The following RABGAP1 variants were observed in gnomAD, a reference collection of about 807,000 sequenced individuals.
RABGAP1 encodes RAB GTPase activating protein 1.
A neutral mutation model predicts 137.6 loss-of-function variants in RABGAP1; 23 were observed. The ratio of observed to expected loss-of-function variants is 0.17; its 90% CI spans 0.12 to 0.24. RABGAP1 has a LOEUF of 0.24. RABGAP1 is among the 10% of genes least tolerant of loss of function. The probability of loss-of-function intolerance (pLI) is 1.00; values close to 1 mark genes in which losing one functional copy is unlikely to be tolerated. For synonymous variants in RABGAP1, 451 were observed against 450.7 expected (o/e 1.00, Z -0.01); for missense variants, 906 against 1,275.8 (o/e 0.71, Z 4.42).
chr9:122,936,011 T>C (rs1176501778), upstream of RABGAP1, among the ~76,000 whole-genome samples: 2 of 152,182 alleles, frequency 1.3e-5, no homozygotes, highest in East Asian at 3.9e-4. Flanking sequence ...GATAATCTTA[T>C]TGCAATCCTT....
At chr9:123,088,499 G>A (rs1446150297) in intron 19 of RABGAP1, among the ~76,000 whole-genome samples, 1 of 152,084 alleles carries the variant, frequency 6.6e-6, no homozygotes, top group Non-Finnish European at 1.5e-5. Flanking sequence ...CACCCAGCCT[G>A]GGCAACATAG....
At chr9:123,035,234 A>T in intron 13 of RABGAP1, 1 of 1,614,150 alleles carries the variant, frequency 6.2e-7, no homozygotes, top group Non-Finnish European at 8.5e-7. Context: ...CAGCACACAA[A>T]GGATATCAGC....
At chr9:122,997,393 AT>A in intron 9 of RABGAP1, 32 bp downstream of exon 9, 1 of 1,502,970 alleles carries the variant, frequency 6.7e-7, no homozygotes, top group Non-Finnish European at 9.1e-7. Context: ...ATGAACAGAA[AT>A]TTTAGTCTCA....
rs552457119 is a variant in RABGAP1 at position 123,051,216 on chromosome 9, G to GTTTTTTTTTTTTTTTTT, written c.1795-14100_1795-14084dup. Among the ~76,000 whole-genome samples the GTTTTTTTTTTTTTTTTT allele has an allele frequency of 1.8e-4, 6 of 34,278 alleles. 3 individuals carry two copies. The highest frequency in any genetic ancestry group is 3.4e-4 in the Non-Finnish European group (6 of 17,836). 22.5% of individuals were successfully genotyped at this position (34,278 alleles called of 152,430 possible). On this transcript the variant is annotated intron_variant, in intron 13 of 25. Coordinates refer to ENST00000373647, the MANE Select transcript of RABGAP1 (RefSeq NM_012197.4). ...ACATGTTGTGATTTTATTCACCTTG[G>GTTTTTTTTTTTTTTTTT]TTTTTTTTTTTTTTTTTTTTTTTTT...
chr9:123,060,327 C>CT (rs2033919552), intron 13 of RABGAP1, among the ~76,000 whole-genome samples: 1 of 152,172 alleles, frequency 6.6e-6, no homozygotes, highest in Non-Finnish European at 1.5e-5. Context: ...ATTTCGGTTT[C>CT]TGTCACCATG....
intron 19 of RABGAP1, among the ~76,000 whole-genome samples, chr9:123,082,908 A>T (rs969550039): frequency 2.6e-5 from 4 of 152,208 alleles, no homozygotes; most frequent in African/African-American, 9.7e-5. Flanking sequence ...TTTGAACTTC[A>T]TTCTCTGTTC....
At chr9:123,029,724 T>C in intron 13 of RABGAP1, 1 of 644,010 alleles carries the variant, frequency 1.6e-6, no homozygotes, top group Non-Finnish European at 3.0e-6. Flanking sequence ...TTCCAGTGTC[T>C]GTCTTCTTCT....
intron 14 of RABGAP1, among the ~76,000 whole-genome samples, chr9:123,069,652 A>G (rs1245819528): frequency 1.3e-5 from 2 of 151,748 alleles, no homozygotes; most frequent in Admixed American, 1.3e-4. Flanking sequence ...AGTCCAAGGT[A>G]GGAGGATAGT....
At chr9:123,019,788 C>G (rs1412265905) in intron 12 of RABGAP1, among the ~76,000 whole-genome samples, 1 of 152,170 alleles carries the variant, frequency 6.6e-6, no homozygotes, top group African/African-American at 2.4e-5. Flanking sequence ...CCTCCTGGTT[C>G]AAGCAGTTCT....
At chr9:122,946,789 T>A (rs1024662561) in intron 1 of RABGAP1, among the ~76,000 whole-genome samples, 46 of 152,194 alleles carry the variant, frequency 3.0e-4, no homozygotes, top group African/African-American at 9.9e-4. Flanking sequence ...TTGGCAAGAT[T>A]TTTTTCAGGT....
At chr9:123,086,509 C>G (rs1017418725) in intron 19 of RABGAP1, among the ~76,000 whole-genome samples, 3 of 152,176 alleles carry the variant, frequency 2.0e-5, no homozygotes, top group African/African-American at 7.2e-5. Flanking sequence ...GCTGCTGGCA[C>G]CTTCTGGTTC....
chr9:123,038,817 A>G (rs1289951126), intron 13 of RABGAP1, among the ~76,000 whole-genome samples: 2 of 151,896 alleles, frequency 1.3e-5, no homozygotes, highest in Non-Finnish European at 2.9e-5. Context: ...ATGGCTGTAA[A>G]CGAGTCATTT....
intron 13 of RABGAP1, chr9:123,029,797 G>C (rs2032198444): frequency 2.0e-6 from 1 of 488,172 alleles, no homozygotes; most frequent in Non-Finnish European, 3.9e-6. Context: ...GCCTTGCTAA[G>C]ATGTCAGACA....
At chr9:123,079,487 C>A (rs1264236501) in intron 19 of RABGAP1, among the ~76,000 whole-genome samples, 2 of 152,036 alleles carry the variant, frequency 1.3e-5, no homozygotes, top group Non-Finnish European at 2.9e-5. Flanking sequence ...GGTCCACCCC[C>A]CTCAGCCTCC....
At chr9:122,990,359 A>C in intron 6 of RABGAP1, 146 bp downstream of exon 6, 2 of 627,424 alleles carry the variant, frequency 3.2e-6, no homozygotes, top group Non-Finnish European at 4.8e-6. Context: ...ATATAAATAC[A>C]TAAATTTAAC....
chr9:123,063,287 G>GT (rs2034048699), intron 13 of RABGAP1: 1 of 152,810 alleles, frequency 6.5e-6, no homozygotes, highest in Admixed American at 6.5e-5. Context: ...TTCTGTTGTT[G>GT]TTTTATAGAA....
At chr9:123,031,640 T>G (rs972274127) in intron 13 of RABGAP1, among the ~76,000 whole-genome samples, 1 of 152,230 alleles carries the variant, frequency 6.6e-6, no homozygotes, top group Non-Finnish European at 1.5e-5. Flanking sequence ...CAGGACTTGG[T>G]GACTCAGAAC....
chr9:123,038,842 AT>A (rs1401333761), intron 13 of RABGAP1, among the ~76,000 whole-genome samples: 1 of 152,008 alleles, frequency 6.6e-6, no homozygotes, highest in Admixed American at 6.6e-5. Flanking sequence ...TTTCTTCAAA[AT>A]TTGCATGACA....
chr9:123,087,278 A>T (rs1307208885), intron 19 of RABGAP1, among the ~76,000 whole-genome samples: 2 of 152,214 alleles, frequency 1.3e-5, no homozygotes, highest in African/African-American at 4.8e-5. Context: ...TTACCCCAGC[A>T]AAAGAATGAA....
Sources: gnomAD v4.1 joint callset for allele counts (sites outside exome capture counted in the v4.1 genomes callset) on GRCh38, gnomAD v4.1.1 for gene constraint, MANE v1.5 for transcripts, NCBI Gene and HGNC (gene_info 2026-07-23, HGNC 2026-07-21) for gene names.